The following KCNK1 variants were observed in gnomAD, a reference collection of about 807,000 sequenced individuals.
KCNK1 encodes potassium channel subfamily K member 1.
A neutral mutation model predicts 22.2 loss-of-function variants in KCNK1; 10 were observed. The observed-to-expected ratio is 0.45, with a 90% CI of 0.28 to 0.76. The LOEUF (loss-of-function observed/expected upper bound fraction) is 0.76, where lower values mean the gene tolerates loss of function less well. Ranked by LOEUF, KCNK1 falls within the 30% of genes least tolerant of loss-of-function variation. The pLI is 0.14. For synonymous variants in KCNK1, 200 were observed against 186.4 expected, an observed-to-expected ratio of 1.07 and a Z score of -0.60; for missense variants, 378 against 421.0, an observed-to-expected ratio of 0.90 and a Z score of 0.89.
At chr1:233,636,046 A>G (rs1657891123) in intron 1 of KCNK1, among the ~76,000 whole-genome samples, 1 of 152,294 alleles carries the variant, frequency 6.6e-6, no homozygotes, top group East Asian at 1.9e-4. Context: ...CTGAGCCAGG[A>G]GTATACCTAG....
At chr1:233,616,768 T>C (rs1452332543) in intron 1 of KCNK1, among the ~76,000 whole-genome samples, 3 of 152,272 alleles carry the variant, frequency 2.0e-5, no homozygotes, top group Non-Finnish European at 2.9e-5. Flanking sequence ...TTTGATTCAT[T>C]TGATGTTTTT....
At chr1:233,664,224 G>A (rs1264792498) in intron 1 of KCNK1, among the ~76,000 whole-genome samples, 2 of 152,088 alleles carry the variant, frequency 1.3e-5, no homozygotes, top group South Asian at 2.1e-4. Context: ...TTGGTGCCTC[G>A]CTGAAGTTGT....
chr1:233,620,809 G>T (rs1657573104), intron 1 of KCNK1, among the ~76,000 whole-genome samples: 1 of 148,452 alleles, frequency 6.7e-6, no homozygotes, highest in African/African-American at 2.5e-5. Flanking sequence ...GACATGGCAG[G>T]TTATAAAAAG....
chr1:233,663,300 A>G (rs976233463), intron 1 of KCNK1, among the ~76,000 whole-genome samples: 6 of 152,210 alleles, frequency 3.9e-5, no homozygotes, highest in Non-Finnish European at 7.3e-5. Context: ...GTGGGAATAT[A>G]TAATATTTTT....
intron 1 of KCNK1, among the ~76,000 whole-genome samples, chr1:233,639,619 C>G (rs1477634101): frequency 3.9e-5 from 6 of 152,168 alleles, no homozygotes. Context: ...GTGTCAAATA[C>G]TTGATTCTCT....
rs536065016 is a variant in KCNK1, at chr1:233,651,607, A to G, written c.356-14988A>G. ...AAAGAAAGAAAAAGGGGCATACTAG[A>G]ACATAGTATATGATTCTCCCTTTGC... On this transcript the variant is annotated intron_variant, in intron 1 of 2. Coordinates refer to ENST00000366621, the MANE Select transcript of KCNK1 (RefSeq NM_002245.4). Among the ~76,000 whole-genome samples, 24 of 152,362 alleles carry G rather than the reference A, an allele frequency of 1.6e-4. No individual in the cohort carries two copies. The East Asian group carries it at 4.6e-3, about 29-fold the overall frequency.
In KCNK1 at chr1:233,658,000, G is replaced by A. The variant is rs543247794; in HGVS notation, c.356-8595G>A. 2.0e-5 allele frequency among the ~76,000 whole-genome samples: 3 copies of A among 152,210 alleles called. No individual in the cohort carries two copies. The East Asian group carries it at 5.8e-4, about 29-fold the overall frequency. On this transcript the variant is annotated intron_variant, in intron 1 of 2. Coordinates refer to ENST00000366621, the MANE Select transcript of KCNK1 (RefSeq NM_002245.4). ...TGAAATTTCAGTTTTAGGAAGCAAGGCCTGATGAGATGATCTTCATTTGTG... is the reference window on the plus strand; with the variant it reads ...TGAAATTTCAGTTTTAGGAAGCAAGACCTGATGAGATGATCTTCATTTGTG...
chr1:233,621,447 A>G (rs1051452629), intron 1 of KCNK1, among the ~76,000 whole-genome samples: 18 of 152,366 alleles, frequency 1.2e-4, no homozygotes, highest in Admixed American at 1.2e-3. Context: ...ATAGTGGAGG[A>G]CAAGAGACAG....
intron 1 of KCNK1, among the ~76,000 whole-genome samples, chr1:233,619,566 A>G (rs1240060970): frequency 6.6e-6 from 1 of 152,116 alleles, no homozygotes; most frequent in Non-Finnish European, 1.5e-5. Flanking sequence ...AATTATTTTC[A>G]GTAGTACAAA....
At chr1:233,625,828 A>C (rs1657679485) in intron 1 of KCNK1, among the ~76,000 whole-genome samples, 1 of 152,168 alleles carries the variant, frequency 6.6e-6, no homozygotes, top group Non-Finnish European at 1.5e-5. Flanking sequence ...GCTGTGTTCC[A>C]GAACAAAGGC....
Position 233,666,954 on chromosome 1 carries a change from C to A in KCNK1, c.715C>A (p.Gln239Lys), listed in dbSNP as rs768480420. Residue 239 changes from glutamine (Q) to lysine (K), a missense_variant, in exon 2 of 3, where the codon CAA becomes AAA. Coordinates refer to ENST00000366621, the MANE Select transcript of KCNK1 (RefSeq NM_002245.4). ...GDYVPGEGYN[Q>K]KFRELYKIGI... is the part of the protein sequence containing the mutation. ...TTATGTGCCTGGGGAAGGCTACAAT[C>A]AAAAATTCAGAGAGCTCTATAAGAT... 3.3e-5 allele frequency: 54 copies of A among 1,612,778 alleles called. No individual in the cohort carries two copies. The highest frequency in any genetic ancestry group is 4.4e-5 in the South Asian group (4 of 90,918).
intron 1 of KCNK1, among the ~76,000 whole-genome samples, chr1:233,648,447 A>G (rs559448068): frequency 9.2e-5 from 14 of 151,402 alleles, no homozygotes; most frequent in Middle Eastern, 3.4e-3. Flanking sequence ...CTTTCTTTTT[A>G]TTTTTTTCTG....
rs1657438049 is a variant in KCNK1 at position 233,614,195 on chromosome 1, C to T, written c.24C>T (p.Ser8=). The T allele has an allele frequency of 1.2e-6, 2 of 1,607,088 alleles. No homozygotes were observed. Among genetic ancestry groups the T allele is most frequent in the Middle Eastern group, 2.0e-4 (1 of 4,892 alleles). The change falls in exon 1 of 3, where the codon AGC becomes AGT. Residue 8 remains serine, a synonymous_variant. Transcript: ENST00000366621. ...AGATGCTGCAGTCCCTGGCCGGCAG[C>T]TCGTGCGTGCGCCTGGTGGAGCGGC... is the stretch of plus-strand genomic sequence containing the variant. The part of the protein sequence containing the change: MLQSLAG[S]SCVRLVERHR...
chr1:233,635,387 A>G (rs1186930240), intron 1 of KCNK1, among the ~76,000 whole-genome samples: 1 of 152,222 alleles, frequency 6.6e-6, no homozygotes, highest in Non-Finnish European at 1.5e-5. Context: ...GTAATAAACA[A>G]CAGATAGTCT....
chr1:233,638,406 A>G (rs115684995), intron 1 of KCNK1, among the ~76,000 whole-genome samples: 5,299 of 133,394 alleles, frequency 0.04, 305 homozygotes, highest in African/African-American at 0.14. Flanking sequence ...TTGATGACCA[A>G]TACCTAAAAA....
At chr1:233,650,933 A>C (rs1351245121) in intron 1 of KCNK1, among the ~76,000 whole-genome samples, 2 of 152,132 alleles carry the variant, frequency 1.3e-5, no homozygotes, top group East Asian at 1.9e-4. Context: ...GGCTGCTCTG[A>C]GTTCCTGTGG....
intron 1 of KCNK1, among the ~76,000 whole-genome samples, chr1:233,649,444 A>T (rs1658160664): frequency 6.6e-6 from 1 of 152,210 alleles, no homozygotes; most frequent in African/African-American, 2.4e-5. Flanking sequence ...ATGTAGATAG[A>T]CTGGAGATAT....
intron 1 of KCNK1, among the ~76,000 whole-genome samples, chr1:233,662,580 T>C (rs1047688418): frequency 6.6e-6 from 1 of 152,162 alleles, no homozygotes; most frequent in Non-Finnish European, 1.5e-5. Flanking sequence ...TAGCCCCTGA[T>C]TGGATATTAG....
chr1:233,626,167 T>C (rs1657685992), intron 1 of KCNK1, among the ~76,000 whole-genome samples: 1 of 151,878 alleles, frequency 6.6e-6, no homozygotes, highest in Admixed American at 6.6e-5. Flanking sequence ...TGATGAGAAG[T>C]GGTCAGATTC....
Sources: gnomAD v4.1 joint callset for allele counts (sites outside exome capture counted in the v4.1 genomes callset) on GRCh38, gnomAD v4.1.1 for gene constraint, MANE v1.5 for transcripts, NCBI Gene and HGNC (gene_info 2026-07-23, HGNC 2026-07-21) for gene names.